The following KIF4A variants were observed in gnomAD, a reference collection of about 807,000 sequenced individuals.
KIF4A encodes chromosome-associated kinesin KIF4A.
A neutral mutation model predicts 105.9 loss-of-function variants in KIF4A; 7 were observed. The observed-to-expected ratio is 0.07, with a 90% confidence interval of 0.04 to 0.12. The LOEUF (loss-of-function observed/expected upper bound fraction) is 0.12, where lower values mean the gene tolerates loss of function less well. Ranked by LOEUF, KIF4A falls within the 10% of genes least tolerant of loss-of-function variation. The pLI, the probability that KIF4A is intolerant of heterozygous loss-of-function variation, is 1.00. For synonymous variants in KIF4A, 281 were observed against 331.3 expected, an observed-to-expected ratio of 0.85 and a Z score of 1.65; for missense variants, 558 against 929.2, an observed-to-expected ratio of 0.60 and a Z score of 5.19.
intron 20 of KIF4A, among the ~76,000 whole-genome samples, chrX:70,388,026 C>T (rs1880004334): frequency 9.0e-6 from 1 of 111,208 alleles, no homozygotes; most frequent in Non-Finnish European, 1.9e-5. Context: ...CCCTTCTTCT[C>T]CTCCCTGGTC....
At chrX:70,290,631 C>A in intron 2 of KIF4A, 53 bp downstream of exon 2, 1 of 1,206,565 alleles carries the variant, frequency 8.3e-7, no homozygotes, top group Non-Finnish European at 1.1e-6. Context: ...CAAATGGTAA[C>A]GAGGGGTGTG....
At chrX:70,360,768 C>T (rs923825409) in intron 15 of KIF4A, among the ~76,000 whole-genome samples, 1 of 112,924 alleles carries the variant, frequency 8.9e-6, no homozygotes, top group Non-Finnish European at 1.9e-5. Context: ...TCTGCACCAA[C>T]AGGCAGGAAA....
intron 28 of KIF4A, among the ~76,000 whole-genome samples, chrX:70,410,862 C>T (rs749664342): frequency 9.0e-6 from 1 of 111,688 alleles, no homozygotes; most frequent in Non-Finnish European, 1.9e-5. Flanking sequence ...ACCCCCTGGT[C>T]TAGAACAGAT....
At chrX:70,294,041 AAC>A (rs1291110419) in intron 3 of KIF4A, among the ~76,000 whole-genome samples, 2 of 112,679 alleles carry the variant, frequency 1.8e-5, no homozygotes, top group Non-Finnish European at 3.7e-5. Flanking sequence ...CTTAGCTTAA[AAC>A]ACAAATACAT....
intron 11 of KIF4A, 147 bp downstream of exon 11, chrX:70,342,078 G>A (rs1195299070): frequency 4.0e-6 from 3 of 748,106 alleles, no homozygotes; most frequent in East Asian, 3.5e-5. Context: ...GCCCCTCTGG[G>A]GTAAATATGT....
intron 15 of KIF4A, among the ~76,000 whole-genome samples, chrX:70,365,454 G>C (rs1183043627): frequency 3.6e-5 from 4 of 111,752 alleles, no homozygotes; most frequent in Non-Finnish European, 7.5e-5. Flanking sequence ...TAGCATGAAG[G>C]GTTATTGAAT....
At chrX:70,409,338 CAG>C (rs2086312347) in intron 28 of KIF4A, among the ~76,000 whole-genome samples, 2 of 112,118 alleles carry the variant, frequency 1.8e-5, no homozygotes, top group South Asian at 3.7e-4. Flanking sequence ...GGTAGTGGAA[CAG>C]AGAGTTGGGA....
Position 70,332,367 on chromosome X carries a change from C to T in KIF4A, c.1072-1261C>T, listed in dbSNP as rs754598541. ...GTCTTGTAAGCCAAATGCTACCAGT[C>T]AGTCAGTCAAGTAAAATGAAGACTG... is the stretch of plus-strand genomic sequence containing the variant. On this transcript the variant is annotated intron_variant, in intron 9 of 30. Transcript: ENST00000374403. Among the ~76,000 whole-genome samples, 28 of 111,647 alleles carry T rather than the reference C, an allele frequency of 2.5e-4. 1 individual carries two copies. Among genetic ancestry groups the T allele is most frequent in the African/African-American group, 9.1e-4 (28 of 30,755 alleles).
At chrX:70,381,903 A>G (rs1199053157) in intron 18 of KIF4A, among the ~76,000 whole-genome samples, 3 of 112,014 alleles carry the variant, frequency 2.7e-5, no homozygotes, top group Non-Finnish European at 5.6e-5. Context: ...TAAATGTCAC[A>G]TTTACTGATT....
intron 28 of KIF4A, among the ~76,000 whole-genome samples, chrX:70,408,340 A>G: frequency 8.9e-6 from 1 of 111,942 alleles, no homozygotes; most frequent in East Asian, 2.8e-4. Flanking sequence ...AATTACAGAA[A>G]AAGCTAATAA....
At chrX:70,365,056 T>TACACAA (rs2086095405) in intron 15 of KIF4A, among the ~76,000 whole-genome samples, 1 of 111,688 alleles carries the variant, frequency 9.0e-6, no homozygotes, top group African/African-American at 3.3e-5. Context: ...CTGTTATTGG[T>TACACAA]GTATAAGAAT....
intron 15 of KIF4A, among the ~76,000 whole-genome samples, chrX:70,369,016 G>A (rs1417982634): frequency 2.7e-5 from 3 of 112,465 alleles, no homozygotes. Context: ...CTAGCAATAA[G>A]CGAAGCTCCA....
Position 70,353,609 on chromosome X carries a change from G to A in KIF4A, c.1489-13G>A. ...TGTTTCTCTTATAAATCATTATCCT[G>A]ATTTTTTTCCAGCAAGTAGAAACCA... is the stretch of plus-strand genomic sequence containing the variant. On this transcript the variant is annotated splice_polypyrimidine_tract_variant and intron_variant, in intron 14 of 30. Coordinates refer to ENST00000374403, the MANE Select transcript of KIF4A (RefSeq NM_012310.5). The A allele has an allele frequency of 8.3e-7, 1 of 1,198,339 alleles. No homozygotes were observed. The highest frequency in any genetic ancestry group is 1.7e-5 in the African/African-American group (1 of 57,253).
At chrX:70,386,377 T>G (rs1453542530) in intron 18 of KIF4A, among the ~76,000 whole-genome samples, 1 of 111,604 alleles carries the variant, frequency 9.0e-6, no homozygotes, top group African/African-American at 3.3e-5. Context: ...GTAGTTGATT[T>G]ATGACTGAGA....
Position 70,333,771 on chromosome X carries a change from A to G in KIF4A, c.1133+82A>G, listed in dbSNP as rs2085940356. 4.3e-6 allele frequency: 3 copies of G among 689,860 alleles called. No homozygotes were observed. The African/African-American group carries it at 6.4e-5, about 15-fold the overall frequency. The allele number at this position is 689,860 out of a possible 1,213,427, so 56.9% of individuals were successfully genotyped here. A position where few individuals can be genotyped will look rare whatever the true frequency, so the allele number is the denominator to read the frequency against. On this transcript the variant is annotated intron_variant, in intron 10 of 30. Transcript: ENST00000374403. ...TAATAGTTTTTCCCTGGTTTCTGCT[A>G]GCACTTGGTGTCACGGTAAGGATCT...
At position 70,379,093 on chromosome X, in the gene KIF4A, G is replaced by T. The variant is rs180801275; in HGVS notation, c.2034+2883G>T. 4.6e-5 allele frequency among the ~76,000 whole-genome samples: 5 copies of T among 108,460 alleles called. No individual in the cohort carries two copies. In the East Asian group the frequency reaches 1.4e-3, roughly 31 times the overall value. 94.2% of individuals were successfully genotyped at this position (108,460 alleles called of 115,157 possible). On this transcript the variant is annotated intron_variant, in intron 18 of 30. Coordinates refer to ENST00000374403, the MANE Select transcript of KIF4A (RefSeq NM_012310.5). The stretch of plus-strand genomic sequence containing the variant: ...GAGGAGAATGGTGTGAACCCGGAAG[G>T]CGGAGCTTGCAGTGAGCAGAGATCG...
intron 18 of KIF4A, among the ~76,000 whole-genome samples, chrX:70,377,603 G>T (rs1485110352): frequency 8.9e-6 from 1 of 112,294 alleles, no homozygotes; most frequent in Non-Finnish European, 1.9e-5. Context: ...CTCCAGGATA[G>T]ACCATATGCT....
At chrX:70,353,832 T>G (rs2086040961) in intron 15 of KIF4A, 25 bp downstream of exon 15, 1 of 1,097,147 alleles carries the variant, frequency 9.1e-7, no homozygotes. Context: ...AGGGCAGTAT[T>G]TGTTCATGTC....
At chrX:70,409,764 T>A (rs2086314270) in intron 28 of KIF4A, among the ~76,000 whole-genome samples, 1 of 99,060 alleles carries the variant, frequency 1.0e-5, no homozygotes, top group Admixed American at 1.2e-4. Flanking sequence ...ACCACTGTAC[T>A]CTAGCCTGGG....
Sources: gnomAD v4.1 joint callset for allele counts (sites outside exome capture counted in the v4.1 genomes callset) on GRCh38, gnomAD v4.1.1 for gene constraint, MANE v1.5 for transcripts, NCBI Gene and HGNC (gene_info 2026-07-23, HGNC 2026-07-21) for gene names.